APMAP: variants seen among roughly 807,000 people sequenced by gnomAD.
APMAP encodes the protein adipocyte plasma membrane-associated protein.
Under a neutral mutation model 43.6 loss-of-function variants are expected in APMAP, and 33 were observed. The observed-to-expected ratio is 0.76, with a 90% confidence interval of 0.57 to 1.01. APMAP has a LOEUF of 1.01. APMAP is among the 50% of genes least tolerant of loss of function. The probability of loss-of-function intolerance (pLI) is 0.00; values close to 1 mark genes in which losing one functional copy is unlikely to be tolerated. For missense variants in APMAP, 498 were observed against 540.7 expected, an observed-to-expected ratio of 0.92 and a Z score of 0.78; for synonymous variants, 224 against 216.7, an observed-to-expected ratio of 1.03 and a Z score of -0.30.
intron 8 of APMAP, among the ~76,000 whole-genome samples, chr20:24,964,730 A>G (rs2087929092): frequency 6.6e-6 from 1 of 152,224 alleles, no homozygotes; most frequent in African/African-American, 2.4e-5. Flanking sequence ...ATTATGACAA[A>G]GCACTCCACT....
At chr20:24,978,347 G>T (rs1047270413) in intron 3 of APMAP, among the ~76,000 whole-genome samples, 1 of 152,206 alleles carries the variant, frequency 6.6e-6, no homozygotes, top group Non-Finnish European at 1.5e-5. Context: ...GACAAAAACA[G>T]TGGAAATATT....
At chr20:24,987,644 A>T (rs1470761732) in intron 1 of APMAP, among the ~76,000 whole-genome samples, 1 of 152,244 alleles carries the variant, frequency 6.6e-6, no homozygotes, top group Non-Finnish European at 1.5e-5. Flanking sequence ...CAACTAAAAA[A>T]AAAAGTTGAC....
intron 8 of APMAP, among the ~76,000 whole-genome samples, chr20:24,967,900 G>C (rs1010908503): frequency 6.6e-6 from 1 of 152,116 alleles, no homozygotes; most frequent in South Asian, 2.1e-4. Flanking sequence ...CCCACACAGC[G>C]ACCCACAGAA....
At chr20:24,987,951 A>G (rs1182950795) in intron 1 of APMAP, among the ~76,000 whole-genome samples, 2 of 152,226 alleles carry the variant, frequency 1.3e-5, no homozygotes, top group Non-Finnish European at 2.9e-5. Context: ...GGTTACAAGT[A>G]AATGACAGAA....
At chr20:24,986,086 C>T (rs564453070) in intron 1 of APMAP, among the ~76,000 whole-genome samples, 6 of 152,334 alleles carry the variant, frequency 3.9e-5, no homozygotes, top group African/African-American at 1.2e-4. Flanking sequence ...GTTTCTCCTG[C>T]TGCTTCCTCC....
chr20:24,968,058 A>C (rs1276435378), intron 8 of APMAP, among the ~76,000 whole-genome samples: 1 of 152,220 alleles, frequency 6.6e-6, no homozygotes, highest in Non-Finnish European at 1.5e-5. Flanking sequence ...ATATCGGTTC[A>C]AATATTCAGT....
chr20:24,980,000 C>T (rs1010299203), intron 2 of APMAP, among the ~76,000 whole-genome samples: 1 of 152,214 alleles, frequency 6.6e-6, no homozygotes, highest in East Asian at 1.9e-4. Flanking sequence ...CAGGCCCCTG[C>T]CCTACTCCAT....
rs756231508 is a variant in APMAP at position 24,970,354 on chromosome 20, G to C, written c.556C>G (p.Leu186Val). 4 of 1,610,654 alleles carry C rather than the reference G, an allele frequency of 2.5e-6. No homozygotes were observed. Among genetic ancestry groups the C allele is most frequent in the Non-Finnish European group, 3.4e-6 (4 of 1,178,148 alleles). Residue 186 changes from leucine to valine, a missense_variant, in exon 6 of 9, where the codon CTG becomes GTG. Physicochemically the swap from Leu to Val is conservative, Grantham distance 32 (BLOSUM62 1). Transcript: ENST00000217456. ...CCCTCAATGGGTGTCTCGGAGGACA[G>C]CAGCAGTTTCACTTCACCTGAAGTT... is the stretch of plus-strand genomic sequence containing the variant. Reference protein sequence around the residue: ...NPWKREVKLLLSSETPIEGKN... With the variant: ...NPWKREVKLLVSSETPIEGKN...
intron 3 of APMAP, 35 bp from the exon 4 acceptor site, chr20:24,973,772 T>A (rs745779975): frequency 6.3e-7 from 1 of 1,593,320 alleles, no homozygotes; most frequent in African/African-American, 1.3e-5. Flanking sequence ...AAGAGCAATG[T>A]TAGCCTAAGA....
Position 24,968,987 on chromosome 20 carries a change from AC to A in APMAP, c.945del (p.Tyr316ThrfsTer29), listed in dbSNP as rs777444320. 3 of 1,613,558 alleles carry A rather than the reference AC, an allele frequency of 1.9e-6. No individual in the cohort carries two copies. The highest frequency in any genetic ancestry group is 2.2e-5 in the South Asian group (2 of 91,032). On this transcript the variant is annotated frameshift_variant, in exon 8 of 9. Coordinates refer to ENST00000217456, the MANE Select transcript of APMAP (RefSeq NM_020531.3). LOFTEE classifies it high-confidence loss of function. Reference sequence around the variant, plus strand: ...CGGATGGTCGACATGCCCACCCAGTACCCCCCAGAGCTGCTGGGCCGGATGT... The same window carrying A: ...CGGATGGTCGACATGCCCACCCAGTACCCCCAGAGCTGCTGGGCCGGATGT... Reference protein sequence around the residue: ...PDNIRPSSSGGYWVGMSTIRP... With the variant: ...PDNIRPSSSGXYWVGMSTIRP...
At chr20:24,982,203 C>T (rs941859856) in intron 2 of APMAP, among the ~76,000 whole-genome samples, 1 of 149,594 alleles carries the variant, frequency 6.7e-6, no homozygotes, top group African/African-American at 2.5e-5. Flanking sequence ...AGAGAGAGAC[C>T]CGTTGGCTGT....
chr20:24,985,898 G>A (rs1327993809), intron 1 of APMAP, among the ~76,000 whole-genome samples: 1 of 152,220 alleles, frequency 6.6e-6, no homozygotes, highest in East Asian at 1.9e-4. Flanking sequence ...GCTGGGGAGG[G>A]TGCAGAAGGA....
Position 24,970,233 on chromosome 20 carries a change from T to G in APMAP, c.677A>C (p.Tyr226Ser), listed in dbSNP as rs1157895978. 1 of 1,614,016 alleles carries G rather than the reference T, an allele frequency of 6.2e-7. No homozygotes were observed. Among genetic ancestry groups the G allele is most frequent in the African/African-American group, 1.3e-5 (1 of 74,900 alleles). The stretch of plus-strand genomic sequence containing the variant: ...TGTGCCCTCCATCACCAGAAGCAGG[T>G]AGTCTCGTCTTTGCCATTTGCTGCT... ...DSSSKWQRRDYLLLVMEGTDD... is the reference protein window; with the variant it reads ...DSSSKWQRRDSLLLVMEGTDD... Residue 226 changes from tyrosine (Y) to serine (S), a missense_variant, in exon 6 of 9, where the codon TAC (tyrosine) becomes TCC (serine). Coordinates refer to ENST00000217456, the MANE Select transcript of APMAP (RefSeq NM_020531.3).
rs2088156474 is a variant in APMAP, at chr20:24,987,370, C to T, written c.96-3351G>A. 2.6e-5 allele frequency among the ~76,000 whole-genome samples: 4 copies of T among 152,202 alleles called. 1 individual carries two copies. In the South Asian group the frequency reaches 6.2e-4, roughly 24 times the overall value. ...AACTTCTGGCCTCAAGCAGTCTTCCCACCTTAGCCTTCCAAAGTGCACCCT... is the reference window on the plus strand; with the variant it reads ...AACTTCTGGCCTCAAGCAGTCTTCCTACCTTAGCCTTCCAAAGTGCACCCT... On this transcript the variant is annotated intron_variant, in intron 1 of 8. Coordinates refer to ENST00000217456, the MANE Select transcript of APMAP (RefSeq NM_020531.3).
intron 1 of APMAP, among the ~76,000 whole-genome samples, chr20:24,989,561 C>A (rs1249484283): frequency 6.6e-6 from 1 of 152,240 alleles, no homozygotes; most frequent in East Asian, 1.9e-4. Flanking sequence ...AACCTGATAG[C>A]CCCAAATCCA....
At chr20:24,982,841 G>A (rs891717827) in intron 2 of APMAP, among the ~76,000 whole-genome samples, 16 of 104,692 alleles carry the variant, frequency 1.5e-4, no homozygotes, top group African/African-American at 2.0e-4. Context: ...ACCCCCCCCC[G>A]CCACCCACCC....
At chr20:24,983,864 T>G (rs779339621) in intron 2 of APMAP, 39 bp downstream of exon 2, 66 of 1,398,052 alleles carry the variant, frequency 4.7e-5, no homozygotes, top group Non-Finnish European at 5.8e-5. Context: ...TATTACATTT[T>G]GTCAAGCAAC....
chr20:24,983,964 T>C lies in APMAP; in HGVS notation c.151A>G (p.Thr51Ala). The C allele has an allele frequency of 6.2e-7, 1 of 1,613,794 alleles. No homozygotes were observed. The highest frequency in any genetic ancestry group is 8.5e-7 in the Non-Finnish European group (1 of 1,179,914). The part of the protein sequence containing the change: ...VTFLMLAVSL[T>A]VPLLGAMMLL... ...ATCATGGCTCCAAGCAGGGGAACGG[T>C]GAGAGAAACAGCCAGCATCAAGAAG... Residue 51 changes from threonine (T) to alanine (A), a missense_variant, in exon 2 of 9, where the codon ACC becomes GCC. Thr to Ala is a moderately conservative substitution (Grantham distance 58). Transcript: ENST00000217456.
At position 24,963,512 on chromosome 20, in the gene APMAP, C is replaced by A; in HGVS notation, c.*301G>T. The A allele has an allele frequency of 2.6e-6, 1 of 387,636 alleles. No individual in the cohort carries two copies. The highest frequency in any genetic ancestry group is 4.8e-6 in the Non-Finnish European group (1 of 208,034). The allele number at this position is 387,636 out of a possible 1,614,324, so 24.0% of individuals were successfully genotyped here. On this transcript the variant is annotated 3_prime_UTR_variant, in exon 9 of 9. Coordinates refer to ENST00000217456, the MANE Select transcript of APMAP (RefSeq NM_020531.3). ...CCCTGTTCCAAGTGCAAGGAGCTTC[C>A]CAAATCCTAGAGAATGACTGTACTT...
Sources: gnomAD v4.1 joint callset for allele counts (sites outside exome capture counted in the v4.1 genomes callset) on GRCh38, gnomAD v4.1.1 for gene constraint, MANE v1.5 for transcripts, NCBI Gene and HGNC (gene_info 2026-07-23, HGNC 2026-07-21) for gene names.